DNAH14: variants seen among roughly 807,000 people sequenced by gnomAD.
DNAH14 encodes dynein axonemal heavy chain 14.
Under a neutral mutation model 520.9 loss-of-function variants are expected in DNAH14, and 478 were observed. That is an observed-to-expected ratio of 0.92 (90% CI 0.85 to 0.99). The LOEUF is 0.99. Among genes scored for constraint, DNAH14 ranks in the 50% least tolerant of loss-of-function variants. DNAH14 has a pLI of 0.00. For missense variants in DNAH14, 4,831 were observed against 5,234.5 expected (o/e 0.92, Z 2.38); for synonymous variants, 1,581 against 1,757.2 (o/e 0.90, Z 2.51).
intron 10 of DNAH14, among the ~76,000 whole-genome samples, chr1:225,021,952 T>C (rs889382634): frequency 6.6e-6 from 1 of 151,948 alleles, no homozygotes; most frequent in Admixed American, 6.6e-5. Flanking sequence ...TGGAACAAAG[T>C]AGAGAACTCA....
Position 225,024,032 on chromosome 1 carries a change from C to A in DNAH14, c.1358+167C>A, listed in dbSNP as rs1371092591. On this transcript the variant is annotated intron_variant, in intron 11 of 85. Coordinates refer to ENST00000682510, the MANE Select transcript of DNAH14 (RefSeq NM_001367479.1). ...TAACAGAACTTATTATTTGGTAATA[C>A]CTTACTTAATATCGGTGCTATAGGA... 3.0e-6 allele frequency: 4 copies of A among 1,336,052 alleles called. No homozygotes were observed. The African/African-American group carries it at 5.9e-5, about 20-fold the overall frequency. The allele number at this position is 1,336,052 out of a possible 1,614,324, so 82.8% of individuals were successfully genotyped here. A position where few individuals can be genotyped will look rare whatever the true frequency, so the allele number is the denominator to read the frequency against.
intron 1 of DNAH14, among the ~76,000 whole-genome samples, chr1:224,930,743 G>A (rs544563616): frequency 2.0e-5 from 3 of 152,194 alleles, no homozygotes; most frequent in East Asian, 3.9e-4. Context: ...GACTACAGGC[G>A]TCCTCCACCA....
In DNAH14 at chr1:225,331,509, C is replaced by A. The variant is rs764663676; in HGVS notation, c.9796C>A (p.Arg3266=). ...TGCTGAAAAACAACTATTAGCAAAT[C>A]GGAAAACAATGGCCAGCAGGCGCTT... is the stretch of plus-strand genomic sequence containing the variant. ...TVAEKQLLAN[R]KTMASRRFQC... The change falls in exon 65 of 86, where the codon CGG becomes AGG. Residue 3266 remains arginine (R), a synonymous_variant. Coordinates refer to ENST00000682510, the MANE Select transcript of DNAH14 (RefSeq NM_001367479.1). 6.4e-7 allele frequency: 1 copy of A among 1,551,266 alleles called. No individual in the cohort carries two copies. Among genetic ancestry groups the A allele is most frequent in the South Asian group, 1.2e-5 (1 of 83,998 alleles).
At chr1:225,274,157 T>C (rs972361710) in intron 52 of DNAH14, among the ~76,000 whole-genome samples, 8 of 151,798 alleles carry the variant, frequency 5.3e-5, no homozygotes, top group Non-Finnish European at 1.2e-4. Context: ...CAACAGTGTG[T>C]AAGTGTTCCT....
At chr1:225,131,541 G>A (rs2078423283) in intron 27 of DNAH14, among the ~76,000 whole-genome samples, 1 of 152,000 alleles carries the variant, frequency 6.6e-6, no homozygotes, top group South Asian at 2.1e-4. Context: ...GTGTTTTCTG[G>A]ATACATTTGA....
Position 225,290,026 on chromosome 1 carries a change from G to A in DNAH14, c.8413G>A (p.Ala2805Thr), listed in dbSNP as rs374829542. ...KEVFKKVFIHAGLKGKPTVLM... is the reference protein window; with the variant it reads ...KEVFKKVFIHTGLKGKPTVLM... The stretch of plus-strand genomic sequence containing the variant: ...AGTCTTTAAAAAGGTGTTTATTCAC[G>A]CAGGATTAAAAGGGAAACCCACTGT... Residue 2805 changes from alanine to threonine, a missense_variant, in exon 55 of 86, where the codon GCA (alanine) becomes ACA (threonine). By Grantham distance (58) the Ala-to-Thr change is moderately conservative. Transcript: ENST00000682510. 9.3e-5 allele frequency: 143 copies of A among 1,531,718 alleles called. No individual in the cohort carries two copies. The highest frequency in any genetic ancestry group is 1.2e-4 in the Non-Finnish European group (131 of 1,136,226). 94.9% of individuals were successfully genotyped at this position (1,531,718 alleles called of 1,614,324 possible).
intron 27 of DNAH14, among the ~76,000 whole-genome samples, chr1:225,138,729 C>A (rs1012144818): frequency 4.6e-5 from 7 of 152,156 alleles, no homozygotes; most frequent in African/African-American, 4.8e-5. Context: ...TCACCGCCTC[C>A]CCTGGCTGGG....
At chr1:225,248,683 T>A (rs1363398525) in intron 43 of DNAH14, among the ~76,000 whole-genome samples, 1 of 151,984 alleles carries the variant, frequency 6.6e-6, no homozygotes, top group East Asian at 1.9e-4. Context: ...AACAATGAGC[T>A]CCCTTAGCAC....
intron 17 of DNAH14, among the ~76,000 whole-genome samples, chr1:225,075,221 T>C (rs2072112264): frequency 6.6e-6 from 1 of 152,116 alleles, no homozygotes; most frequent in African/African-American, 2.4e-5. Context: ...ACTCACCACT[T>C]CCCTGGGTGG....
rs1271898643 is a variant in DNAH14, at chr1:225,276,054, A to G, written c.8151A>G (p.Gln2717=). The change falls in exon 53 of 86, where the codon CAA becomes CAG. Residue 2717 remains glutamine, a synonymous_variant. Transcript: ENST00000682510. ...TTGCCAGTGTACTTGATGAATTCCA[A>G]ATGAAGTTGGGTTCAATTTCTTTGG... ...NKLASVLDEF[Q]MKLGSISLEL... 5.5e-6 allele frequency: 2 copies of G among 361,758 alleles called. No individual in the cohort carries two copies. The highest frequency in any genetic ancestry group is 1.1e-5 in the Non-Finnish European group (2 of 180,714). The allele number at this position is 361,758 out of a possible 1,614,324, so 22.4% of individuals were successfully genotyped here. A position where few individuals can be genotyped will look rare whatever the true frequency, so the allele number is the denominator to read the frequency against.
At chr1:225,243,441 A>T (rs2092089688) in intron 43 of DNAH14, among the ~76,000 whole-genome samples, 1 of 152,136 alleles carries the variant, frequency 6.6e-6, no homozygotes, top group Non-Finnish European at 1.5e-5. Flanking sequence ...TGTAAAACAC[A>T]TAAAGAAAAC....
Position 225,364,885 on chromosome 1 carries a change from G to A in DNAH14, c.12081G>A (p.Lys4027=). The change falls in exon 76 of 86, where the codon AAG becomes AAA. Residue 4027 remains lysine (K), a synonymous_variant. Transcript: ENST00000682510. ...YSSFPIPVLK[K]GLKIAVESPQ... Reference sequence around the variant, plus strand: ...CTTTTCCAATTCCTGTTCTTAAAAAGGGTTTAAAGGTAAGAACAAAGTATA... The same window carrying A: ...CTTTTCCAATTCCTGTTCTTAAAAAAGGTTTAAAGGTAAGAACAAAGTATA... 6 of 1,544,772 alleles carry A rather than the reference G, an allele frequency of 3.9e-6. No homozygotes were observed. The highest frequency in any genetic ancestry group is 5.2e-6 in the Non-Finnish European group (6 of 1,144,198).
At chr1:225,070,705 T>G (rs2071454415) in intron 17 of DNAH14, among the ~76,000 whole-genome samples, 1 of 152,148 alleles carries the variant, frequency 6.6e-6, no homozygotes, top group Admixed American at 6.5e-5. Context: ...GAGAGTTCTG[T>G]GGGTATGTCT....
intron 35 of DNAH14, among the ~76,000 whole-genome samples, chr1:225,159,929 C>A (rs897162679): frequency 6.6e-6 from 1 of 152,052 alleles, no homozygotes; most frequent in Non-Finnish European, 1.5e-5. Flanking sequence ...ACAGTCATTG[C>A]CTTAATCTAG....
intron 34 of DNAH14, among the ~76,000 whole-genome samples, chr1:225,158,192 T>C (rs2081220708): frequency 6.6e-6 from 1 of 152,158 alleles, no homozygotes; most frequent in African/African-American, 2.4e-5. Context: ...ATATATACTG[T>C]AGTGTTTAGT....
At chr1:225,375,099 C>T (rs551070832) in intron 78 of DNAH14, among the ~76,000 whole-genome samples, 1 of 152,118 alleles carries the variant, frequency 6.6e-6, no homozygotes, top group East Asian at 1.9e-4. Context: ...TCGTTCATGT[C>T]CTCCGAGAAC....
intron 77 of DNAH14, among the ~76,000 whole-genome samples, chr1:225,372,435 A>AT (rs1558553570): frequency 2.0e-5 from 3 of 152,160 alleles, no homozygotes; most frequent in African/African-American, 7.2e-5. Flanking sequence ...TTTTTATGAG[A>AT]TTTTAATATT....
chr1:225,199,837 A>C (rs2086594017), intron 38 of DNAH14, among the ~76,000 whole-genome samples: 1 of 152,156 alleles, frequency 6.6e-6, no homozygotes, highest in Admixed American at 6.5e-5. Flanking sequence ...ATGTGCTGTA[A>C]ATATCTGTTA....
chr1:224,941,984 A>G (rs1163773304), intron 1 of DNAH14, among the ~76,000 whole-genome samples: 1 of 152,140 alleles, frequency 6.6e-6, no homozygotes, highest in African/African-American at 2.4e-5. Flanking sequence ...TTGACTTAAC[A>G]ATGCGGGCTC....
Sources: allele counts gnomAD v4.1 joint callset (sites outside exome capture counted in the v4.1 genomes callset), GRCh38; gene constraint gnomAD v4.1.1; transcripts MANE v1.5; gene names NCBI Gene and HGNC (gene_info 2026-07-23, HGNC 2026-07-21).